The following CLSTN2 variants were observed in gnomAD, a reference collection of about 807,000 sequenced individuals.
CLSTN2 encodes the protein calsyntenin 2, also known as calsyntenin-2.
CLSTN2 carries 48 observed loss-of-function variants against 101.2 expected under a neutral mutation model. The ratio of observed to expected loss-of-function variants is 0.47; its 90% CI spans 0.38 to 0.60. The LOEUF (loss-of-function observed/expected upper bound fraction) is 0.60, where lower values mean the gene tolerates loss of function less well. Among genes scored for constraint, CLSTN2 ranks in the 20% least tolerant of loss-of-function variants. The probability of loss-of-function intolerance (pLI) is 0.00; values close to 1 mark genes in which losing one functional copy is unlikely to be tolerated. For missense variants in CLSTN2, 1,160 were observed against 1,238.2 expected (o/e 0.94, Z 0.95); for synonymous variants, 481 against 463.6 (o/e 1.04, Z -0.48).
At chr3:140,220,906 T>A (rs2086266197) in intron 2 of CLSTN2, among the ~76,000 whole-genome samples, 3 of 152,164 alleles carry the variant, frequency 2.0e-5, no homozygotes, top group Admixed American at 2.0e-4. Context: ...GGCTTCTCAG[T>A]TAGGTGGTGA....
At position 140,541,952 on chromosome 3, in the gene CLSTN2, G is replaced by A. The variant is rs528075819; in HGVS notation, c.1508-4563G>A. ...TTCTCTCTGCCATGACCCTCCCTGCGACAATGAGCTAGAAGCCAGGGTGTA... is the reference window on the plus strand; with the variant it reads ...TTCTCTCTGCCATGACCCTCCCTGCAACAATGAGCTAGAAGCCAGGGTGTA... On this transcript the variant is annotated intron_variant, in intron 9 of 16. Transcript: ENST00000458420. 5.3e-5 allele frequency among the ~76,000 whole-genome samples: 8 copies of A among 152,202 alleles called. No homozygotes were observed. The South Asian group carries it at 1.5e-3, about 28-fold the overall frequency.
intron 7 of CLSTN2, among the ~76,000 whole-genome samples, chr3:140,461,952 C>A (rs1933574109): frequency 6.8e-6 from 1 of 146,106 alleles, no homozygotes. Context: ...AAAAAAAAAT[C>A]CAGAATAAAT....
intron 8 of CLSTN2, among the ~76,000 whole-genome samples, chr3:140,514,206 G>A (rs1457081247): frequency 6.6e-6 from 1 of 151,972 alleles, no homozygotes; most frequent in African/African-American, 2.4e-5. Flanking sequence ...AAGTTCTTTA[G>A]TGGTGATTTT....
intron 2 of CLSTN2, among the ~76,000 whole-genome samples, chr3:140,392,211 C>T (rs1001968906): frequency 1.3e-5 from 2 of 148,208 alleles, no homozygotes; most frequent in South Asian, 2.2e-4. Context: ...ATCTAGTAGC[C>T]ACATTTAAAA....
At chr3:140,371,503 A>G (rs534111754) in intron 2 of CLSTN2, among the ~76,000 whole-genome samples, 2 of 152,110 alleles carry the variant, frequency 1.3e-5, no homozygotes, top group African/African-American at 4.8e-5. Context: ...TGCCCCTGGA[A>G]CCTTCCTGTA....
intron 1 of CLSTN2, among the ~76,000 whole-genome samples, chr3:140,172,015 T>C (rs2010245224): frequency 6.7e-6 from 1 of 148,866 alleles, no homozygotes; most frequent in Admixed American, 7.0e-5. Context: ...AAGTTACGCT[T>C]TGTGGAGGTA....
chr3:140,049,426 A>C (rs2007946507), intron 1 of CLSTN2, among the ~76,000 whole-genome samples: 1 of 152,212 alleles, frequency 6.6e-6, no homozygotes, highest in South Asian at 2.1e-4. Context: ...TATTTCCGGA[A>C]TGAGGGAACA....
chr3:140,265,940 C>G (rs531203995), intron 2 of CLSTN2, among the ~76,000 whole-genome samples: 1 of 152,132 alleles, frequency 6.6e-6, no homozygotes, highest in Non-Finnish European at 1.5e-5. Context: ...TTCTTGGATC[C>G]CTCACTGCAT....
At chr3:140,345,923 C>T in intron 2 of CLSTN2, among the ~76,000 whole-genome samples, 1 of 152,172 alleles carries the variant, frequency 6.6e-6, no homozygotes. Flanking sequence ...ACTCAATTAT[C>T]TGTATTTGCT....
intron 2 of CLSTN2, among the ~76,000 whole-genome samples, chr3:140,237,893 C>T (rs62266224): frequency 0.03 from 4,605 of 152,226 alleles, 116 homozygotes; most frequent in African/African-American, 0.07. Flanking sequence ...CAAGCTTGCA[C>T]AGTTAACAAT....
chr3:140,022,882 G>T (rs535740490), intron 1 of CLSTN2, among the ~76,000 whole-genome samples: 1 of 152,344 alleles, frequency 6.6e-6, no homozygotes, highest in Admixed American at 6.5e-5. Context: ...ATGGAAAGGA[G>T]CAGATCCCTG....
At chr3:140,230,971 T>A (rs1462799202) in intron 2 of CLSTN2, among the ~76,000 whole-genome samples, 3 of 152,190 alleles carry the variant, frequency 2.0e-5, no homozygotes, top group African/African-American at 4.8e-5. Flanking sequence ...AGCCTGGCAG[T>A]TTCTGAAGGC....
Position 140,133,696 on chromosome 3 carries a change from A to G in CLSTN2, c.110-42255A>G, listed in dbSNP as rs146771188. Reference sequence around the variant, plus strand: ...GTAGTGTTGTTGGGAGGTCAACCGCATTACATAGTACTGGAATAGCTTGGG... The same window carrying G: ...GTAGTGTTGTTGGGAGGTCAACCGCGTTACATAGTACTGGAATAGCTTGGG... On this transcript the variant is annotated intron_variant, in intron 1 of 16. Transcript: ENST00000458420. Among the ~76,000 whole-genome samples, 25 of 152,288 alleles carry G rather than the reference A, an allele frequency of 1.6e-4. No homozygotes were observed. The East Asian group carries it at 1.7e-3, about 11-fold the overall frequency.
chr3:140,287,727 A>G (rs1036842473), intron 2 of CLSTN2, among the ~76,000 whole-genome samples: 1 of 152,180 alleles, frequency 6.6e-6, no homozygotes, highest in Non-Finnish European at 1.5e-5. Flanking sequence ...CCATTTTACA[A>G]ATTCTGAACA....
At chr3:140,223,719 T>C (rs1273936015) in intron 2 of CLSTN2, among the ~76,000 whole-genome samples, 1 of 152,200 alleles carries the variant, frequency 6.6e-6, no homozygotes, top group East Asian at 1.9e-4. Flanking sequence ...TAACTTCCTT[T>C]TTGGAAACCA....
chr3:140,404,277 A>G (rs2088279091), intron 3 of CLSTN2, among the ~76,000 whole-genome samples: 1 of 152,210 alleles, frequency 6.6e-6, no homozygotes, highest in Non-Finnish European at 1.5e-5. Context: ...GAGTGGATGA[A>G]TAGAGGGAGG....
At chr3:140,504,194 T>C (rs929552939) in intron 8 of CLSTN2, among the ~76,000 whole-genome samples, 2 of 152,326 alleles carry the variant, frequency 1.3e-5, no homozygotes, top group African/African-American at 4.8e-5. Flanking sequence ...GCAGGCTCCA[T>C]GCATATTTAG....
chr3:140,341,494 A>G (rs1369355320), intron 2 of CLSTN2, among the ~76,000 whole-genome samples: 1 of 152,184 alleles, frequency 6.6e-6, no homozygotes, highest in African/African-American at 2.4e-5. Context: ...TGTAAAAGTG[A>G]AGGGGACTTT....
intron 2 of CLSTN2, among the ~76,000 whole-genome samples, chr3:140,371,461 A>C (rs1332424046): frequency 2.6e-5 from 4 of 152,152 alleles, no homozygotes; most frequent in African/African-American, 9.7e-5. Flanking sequence ...ATGCACACCC[A>C]ACCCTGACCT....
Sources: gnomAD v4.1 joint callset for allele counts (sites outside exome capture counted in the v4.1 genomes callset) on GRCh38, gnomAD v4.1.1 for gene constraint, MANE v1.5 for transcripts, NCBI Gene and HGNC (gene_info 2026-07-23, HGNC 2026-07-21) for gene names.